GK: variants seen among roughly 807,000 people sequenced by gnomAD.
GK encodes the protein glycerol kinase, also known as ATP:glycerol 3-phosphotransferase.
GK carries 9 observed loss-of-function variants against 56.4 expected under a neutral mutation model. That is an observed-to-expected ratio of 0.16 (90% CI 0.10 to 0.28). GK has a LOEUF of 0.28. Ranked by LOEUF, GK falls within the 10% of genes least tolerant of loss-of-function variation. The pLI is 1.00. For missense variants in GK, 161 were observed against 431.4 expected (o/e 0.37, Z 5.55); for synonymous variants, 104 against 144.1 (o/e 0.72, Z 1.99).
chrX:30,657,118 G>A (rs1442434302), intron 1 of GK, among the ~76,000 whole-genome samples: 1 of 112,632 alleles, frequency 8.9e-6, no homozygotes, highest in East Asian at 2.8e-4. Context: ...CAAAGTGCTG[G>A]TATTACAGGC....
At chrX:30,690,601 A>G (rs948499344) in intron 4 of GK, among the ~76,000 whole-genome samples, 5 of 111,841 alleles carry the variant, frequency 4.5e-5, no homozygotes, top group African/African-American at 1.6e-4. Flanking sequence ...AAAGATTTCA[A>G]TGTAAATAAG....
chrX:30,690,667 T>A (rs1439593545), intron 4 of GK, among the ~76,000 whole-genome samples: 2 of 111,901 alleles, frequency 1.8e-5, no homozygotes, highest in Non-Finnish European at 3.8e-5. Context: ...AATCAAGTTA[T>A]CTACTTTGTC....
intron 1 of GK, among the ~76,000 whole-genome samples, chrX:30,662,698 T>C (rs1249965819): frequency 9.2e-6 from 1 of 108,831 alleles, no homozygotes; most frequent in Non-Finnish European, 1.9e-5. Flanking sequence ...TCTTTCTCTC[T>C]CTCTTTCTCT....
intron 5 of GK, among the ~76,000 whole-genome samples, chrX:30,693,914 TA>T (rs1935113657): frequency 8.9e-6 from 1 of 112,082 alleles, no homozygotes; most frequent in Non-Finnish European, 1.9e-5. Context: ...CATGTTATGT[TA>T]TTTGAACTTG....
chrX:30,721,114 A>T (rs1055066504), intron 18 of GK, 119 bp downstream of exon 18: 11 of 715,338 alleles, frequency 1.5e-5, no homozygotes, highest in African/African-American at 2.1e-5. Flanking sequence ...AAATGTTATC[A>T]TTGCAGATTC....
At chrX:30,696,789 A>G (rs1447466446) in intron 8 of GK, 106 bp downstream of exon 8, 1 of 608,974 alleles carries the variant, frequency 1.6e-6, no homozygotes, top group East Asian at 3.6e-5. Flanking sequence ...TTTACTATTC[A>G]TAATTCAAAA....
At position 30,702,183 on chromosome X, in the gene GK, T is replaced by C. The variant is rs1237922805; in HGVS notation, c.851+1278T>C. Among the ~76,000 whole-genome samples, 7 of 110,570 alleles carry C rather than the reference T, an allele frequency of 6.3e-5. No individual in the cohort carries two copies. In the South Asian group the frequency reaches 2.3e-3, roughly 36 times the overall value. On this transcript the variant is annotated intron_variant, in intron 11 of 20. Transcript: ENST00000427190. ...TTAGCCTCCCGAGTAGCTGGGATTA[T>C]AGGCATGCGCCACCACGCCCAGCTA...
At position 30,660,136 on chromosome X, in the gene GK, C is replaced by T. The variant is rs141681897; in HGVS notation, c.79-5375C>T. 6.4e-3 allele frequency among the ~76,000 whole-genome samples: 707 copies of T among 111,074 alleles called. 5 individuals are homozygous for T. Among genetic ancestry groups the T allele is most frequent in the African/African-American group, 0.022 (673 of 30,533 alleles). ...AAATCTGGAATTGAGTCATAGTTTG[C>T]GCATAGAGCTGAATATAGACCTGGT... On this transcript the variant is annotated intron_variant, in intron 1 of 20. Transcript: ENST00000427190.
intron 13 of GK, among the ~76,000 whole-genome samples, chrX:30,710,415 A>AT (rs1422608864): frequency 9.0e-6 from 1 of 111,665 alleles, no homozygotes; most frequent in Non-Finnish European, 1.9e-5. Flanking sequence ...TGTAGTTAGA[A>AT]TTTTTTTCTT....
At chrX:30,687,891 G>A (rs1398481556) in intron 4 of GK, among the ~76,000 whole-genome samples, 1 of 111,904 alleles carries the variant, frequency 8.9e-6, no homozygotes, top group Admixed American at 9.5e-5. Flanking sequence ...TTGCTTGGTA[G>A]TGTACCAACC....
At chrX:30,678,852 A>ATTTTTT (rs58342528) in intron 4 of GK, among the ~76,000 whole-genome samples, 2 of 77,210 alleles carry the variant, frequency 2.6e-5, no homozygotes, top group African/African-American at 4.9e-5. Context: ...ATGCCCAGCT[A>ATTTTTT]TTTTTTTTTT....
At position 30,668,134 on chromosome X, in the gene GK, A is replaced by G; in HGVS notation, c.259+16A>G. 1 of 828,402 alleles carries G rather than the reference A, an allele frequency of 1.2e-6. No individual in the cohort carries two copies. Among genetic ancestry groups the G allele is most frequent in the Non-Finnish European group, 1.8e-6 (1 of 545,606 alleles). The allele number at this position is 828,402 out of a possible 1,213,427, so 68.3% of individuals were successfully genotyped here. A position where few individuals can be genotyped will look rare whatever the true frequency, so the allele number is the denominator to read the frequency against. ...AACATAAAAGGTATTTTAGTAGAAT[A>G]TTTTACCCACATAATAAGACTCTCT... On this transcript the variant is annotated intron_variant, in intron 3 of 20. Transcript: ENST00000427190.
intron 18 of GK, among the ~76,000 whole-genome samples, chrX:30,723,359 C>T (rs1278157478): frequency 9.2e-6 from 1 of 108,114 alleles, no homozygotes; most frequent in Non-Finnish European, 1.9e-5. Context: ...GGCACCACTG[C>T]ACTCCAGCCT....
intron 4 of GK, among the ~76,000 whole-genome samples, chrX:30,690,828 TA>T (rs775287314): frequency 9.8e-5 from 11 of 111,997 alleles, no homozygotes; most frequent in African/African-American, 3.6e-4. Flanking sequence ...ATATTCCAAA[TA>T]TTTTTTGTAG....
chrX:30,688,467 A>C lies in GK; in HGVS notation c.338-2656A>C, dbSNP rs188955583. ...CAGTGAGCCGCGATCGCATCACTGC[A>C]CTCCAGACTGGGTGACAGAAAGAGA... On this transcript the variant is annotated intron_variant, in intron 4 of 20. Coordinates refer to ENST00000427190, the MANE Select transcript of GK (RefSeq NM_001205019.2). Among the ~76,000 whole-genome samples the C allele has an allele frequency of 3.5e-3, 355 of 101,400 alleles. 1 individual carries two copies. Among genetic ancestry groups the C allele is most frequent in the South Asian group, 7.5e-3 (15 of 2,012 alleles). The allele number at this position is 101,400 out of a possible 115,157, so 88.1% of individuals were successfully genotyped here.
chrX:30,675,725 C>T (rs764422819), intron 3 of GK, among the ~76,000 whole-genome samples: 2 of 109,143 alleles, frequency 1.8e-5, no homozygotes, highest in East Asian at 5.7e-4. Context: ...CCAGGCTGGT[C>T]TTGAACTCCT....
intron 1 of GK, among the ~76,000 whole-genome samples, chrX:30,664,409 A>G (rs1172462976): frequency 9.3e-6 from 1 of 107,841 alleles, no homozygotes; most frequent in Non-Finnish European, 1.9e-5. Flanking sequence ...CATGTTGGCT[A>G]GGCTGGTCTC....
intron 4 of GK, among the ~76,000 whole-genome samples, chrX:30,685,676 T>G (rs1355440074): frequency 8.9e-6 from 1 of 112,414 alleles, no homozygotes; most frequent in Non-Finnish European, 1.9e-5. Context: ...TTTTCAACTT[T>G]GAGTTCTCCA....
At chrX:30,689,276 C>T (rs925836305) in intron 4 of GK, among the ~76,000 whole-genome samples, 3 of 112,034 alleles carry the variant, frequency 2.7e-5, no homozygotes, top group Non-Finnish European at 5.6e-5. Context: ...AAGGAAGGTC[C>T]ACATTTGTCA....
Sources: gnomAD v4.1 joint callset for allele counts (sites outside exome capture counted in the v4.1 genomes callset) on GRCh38, gnomAD v4.1.1 for gene constraint, MANE v1.5 for transcripts, NCBI Gene and HGNC (gene_info 2026-07-23, HGNC 2026-07-21) for gene names.